The following POU6F1 variants were observed in gnomAD, a reference collection of about 807,000 sequenced individuals.
POU6F1 encodes the protein POU class 6 homeobox 1.
POU6F1 carries 9 observed loss-of-function variants against 28.9 expected under a neutral mutation model. The ratio of observed to expected loss-of-function variants is 0.31; its 90% CI spans 0.19 to 0.54. The LOEUF is 0.54. Ranked by LOEUF, POU6F1 falls within the 20% of genes least tolerant of loss-of-function variation. POU6F1 has a pLI of 0.94. For synonymous variants in POU6F1, 173 were observed against 171.1 expected, an observed-to-expected ratio of 1.01 and a Z score of -0.09; for missense variants, 338 against 426.1, an observed-to-expected ratio of 0.79 and a Z score of 1.82.
At position 51,199,244 on chromosome 12, in the gene POU6F1, G is replaced by A. The variant is rs555256301; in HGVS notation, c.367-469C>T. ...TGGTCAAGGCCCCACAGAGGCCTCC[G>A]AGAAGTTTCTGAAGGACCATACCCT... is the stretch of plus-strand genomic sequence containing the variant. On this transcript the variant is annotated intron_variant, in intron 4 of 10. Transcript: ENST00000333640. The surrounding 1 kb of genome is among the most constrained non-coding windows in gnomAD (Gnocchi z 4.1). Among the ~76,000 whole-genome samples the A allele has an allele frequency of 7.9e-5, 12 of 151,700 alleles. No homozygotes were observed. The highest frequency in any genetic ancestry group is 4.6e-4 in the Admixed American group (7 of 15,230).
chr12:51,216,588 T>C (rs909794904), intron 1 of POU6F1, among the ~76,000 whole-genome samples: 1 of 152,186 alleles, frequency 6.6e-6, no homozygotes, highest in African/African-American at 2.4e-5. Flanking sequence ...AAGTATCACT[T>C]TGAGGACCAG....
intron 1 of POU6F1, among the ~76,000 whole-genome samples, chr12:51,208,751 A>C (rs887559338): frequency 1.3e-5 from 2 of 152,170 alleles, no homozygotes; most frequent in African/African-American, 4.8e-5. Flanking sequence ...AGCCTGGACA[A>C]CATGGTGAAA....
chr12:51,194,715 T>C (rs1196793095), intron 8 of POU6F1, among the ~76,000 whole-genome samples: 4 of 151,282 alleles, frequency 2.6e-5, no homozygotes, highest in East Asian at 3.9e-4. Flanking sequence ...AGTTCCCTAC[T>C]ACCTTACCTG....
rs972918996 is a variant in POU6F1 at position 51,188,072 on chromosome 12, T to C, written c.*2175A>G. 4 of 152,310 alleles carry C rather than the reference T, an allele frequency of 2.6e-5. No homozygotes were observed. Among genetic ancestry groups the C allele is most frequent in the African/African-American group, 9.6e-5 (4 of 41,550 alleles). The allele number at this position is 152,310 out of a possible 1,614,324, so 9.4% of individuals were successfully genotyped here. A position where few individuals can be genotyped will look rare whatever the true frequency, so the allele number is the denominator to read the frequency against. On this transcript the variant is annotated 3_prime_UTR_variant, in exon 11 of 11. Coordinates refer to ENST00000333640, the MANE Select transcript of POU6F1 (RefSeq NM_001330422.2). ...CCTCCCAAGTAGCTGGGATTACAGA[T>C]GTGCACTACCACACCTGGCTAATTT... is the stretch of plus-strand genomic sequence containing the variant.
intron 1 of POU6F1, among the ~76,000 whole-genome samples, chr12:51,213,807 C>T (rs1353238932): frequency 6.6e-6 from 1 of 150,686 alleles, no homozygotes; most frequent in Admixed American, 6.6e-5. Context: ...TCTGGGATTA[C>T]AGGCGTGAGC....
rs900720961 is a variant in POU6F1 at position 51,217,854 on chromosome 12, G to A, written c.-260C>T. The A allele has an allele frequency of 5.3e-5, 8 of 152,268 alleles. No individual in the cohort carries two copies. Among genetic ancestry groups the A allele is most frequent in the African/African-American group, 1.7e-4 (7 of 41,528 alleles). 9.4% of individuals were successfully genotyped at this position (152,268 alleles called of 1,614,324 possible). ...CGCCCCCAGGCCCCCAGCCTGGGCT[G>A]GGCAGAGCCGAAGGGGGCTCCGCAG... On this transcript the variant is annotated 5_prime_UTR_variant, in exon 1 of 11. Transcript: ENST00000333640. This position sits in a 1 kb window ranked among gnomAD's most constrained non-coding sequence, Gnocchi z 5.3.
intron 2 of POU6F1, among the ~76,000 whole-genome samples, chr12:51,205,140 C>T (rs1056825965): frequency 2.6e-5 from 4 of 151,108 alleles, no homozygotes; most frequent in African/African-American, 7.3e-5. Context: ...CCCGGGTTCA[C>T]GCCATTCTCC....
chr12:51,216,068 A>G (rs957252201), intron 1 of POU6F1, among the ~76,000 whole-genome samples: 2 of 152,238 alleles, frequency 1.3e-5, no homozygotes, highest in African/African-American at 4.8e-5. Context: ...CTGTAATCCC[A>G]GCACTTTGGG....
At chr12:51,197,102 C>CT (rs1942881395) in intron 6 of POU6F1, 175 bp from the exon 7 acceptor site, 1 of 424,472 alleles carries the variant, frequency 2.4e-6, no homozygotes, top group African/African-American at 2.4e-5. Context: ...GTTTCCAGGG[C>CT]TAGGGGTCTA....
intron 1 of POU6F1, among the ~76,000 whole-genome samples, chr12:51,213,109 G>C (rs1944111539): frequency 6.6e-6 from 1 of 152,048 alleles, no homozygotes; most frequent in Non-Finnish European, 1.5e-5. Context: ...GCTGATTTTT[G>C]TATTTTTAGT....
chr12:51,213,311 C>G (rs996894320), intron 1 of POU6F1, among the ~76,000 whole-genome samples: 6 of 152,140 alleles, frequency 3.9e-5, no homozygotes, highest in African/African-American at 1.4e-4. Flanking sequence ...GTAAAAGAAT[C>G]TTGTCCTATG....
chr12:51,189,758 G>T lies in POU6F1; in HGVS notation c.*489C>A, dbSNP rs530257436. The T allele has an allele frequency of 2.6e-3, 433 of 166,558 alleles. 1 individual carries two copies. Among genetic ancestry groups the T allele is most frequent in the African/African-American group, 9.6e-3 (401 of 41,858 alleles). The allele number at this position is 166,558 out of a possible 1,614,324, so 10.3% of individuals were successfully genotyped here. A position where few individuals can be genotyped will look rare whatever the true frequency, so the allele number is the denominator to read the frequency against. On this transcript the variant is annotated 3_prime_UTR_variant, in exon 11 of 11. Coordinates refer to ENST00000333640, the MANE Select transcript of POU6F1 (RefSeq NM_001330422.2). ...GTGCACCTGCAGGCAAAGTGTGGGG[G>T]GCGGAAGGGCAGTGTGAGGCTGTGT...
rs139626786 is a variant in POU6F1 at position 51,191,743 on chromosome 12, T to C, written c.1343A>G (p.Asp448Gly). 1.2e-6 allele frequency: 2 copies of C among 1,614,146 alleles called. No homozygotes were observed. Among genetic ancestry groups the C allele is most frequent in the Non-Finnish European group, 1.7e-6 (2 of 1,180,022 alleles). Reference protein sequence around the residue: ...LVSKPHTPSLDEDGINLEEIR... With the variant: ...LVSKPHTPSLGEDGINLEEIR... ...CTCTTCTAAGTTGATCCCATCCTCATCCAGACTTGGAGTATGTGGCTCTAG... is the reference window on the plus strand; with the variant it reads ...CTCTTCTAAGTTGATCCCATCCTCACCCAGACTTGGAGTATGTGGCTCTAG... The change falls in exon 10 of 11, where the codon GAT (aspartate) becomes GGT (glycine). Residue 448 changes from aspartate to glycine, a missense_variant. This residue lies in a region of POU6F1 where 206 missense variants were observed against 225.6 expected (regional missense o/e 0.91). Transcript: ENST00000333640.
At position 51,191,777 on chromosome 12, in the gene POU6F1, G is replaced by C; in HGVS notation, c.1322-13C>G. 1 of 1,613,998 alleles carries C rather than the reference G, an allele frequency of 6.2e-7. No individual in the cohort carries two copies. Among genetic ancestry groups the C allele is most frequent in the Non-Finnish European group, 8.5e-7 (1 of 1,179,854 alleles). On this transcript the variant is annotated splice_polypyrimidine_tract_variant and intron_variant, in intron 9 of 10. Transcript: ENST00000333640. Reference sequence around the variant, plus strand: ...GGAGTATGTGGCTCTAGGCCAGAGGGAGGGAGCAGGGATGAGTGTGTAACA... The same window carrying C: ...GGAGTATGTGGCTCTAGGCCAGAGGCAGGGAGCAGGGATGAGTGTGTAACA...
In POU6F1 at chr12:51,188,643, G is replaced by C. The variant is rs1261405023; in HGVS notation, c.*1604C>G. The C allele has an allele frequency of 6.6e-6, 1 of 152,362 alleles. No homozygotes were observed. Among genetic ancestry groups the C allele is most frequent in the Non-Finnish European group, 1.5e-5 (1 of 68,116 alleles). The allele number at this position is 152,362 out of a possible 1,614,324, so 9.4% of individuals were successfully genotyped here. ...CCAACAGTAAGTGGGAAAGGAAACAGGACACCAGAGGAAGCTAGGCTAGGA... is the reference window on the plus strand; with the variant it reads ...CCAACAGTAAGTGGGAAAGGAAACACGACACCAGAGGAAGCTAGGCTAGGA... On this transcript the variant is annotated 3_prime_UTR_variant, in exon 11 of 11. Coordinates refer to ENST00000333640, the MANE Select transcript of POU6F1 (RefSeq NM_001330422.2).
Position 51,211,454 on chromosome 12 carries a change from C to T in POU6F1, c.-47-4571G>A, listed in dbSNP as rs117116114. ...CTTTCCTTGCTAACATCTAAAAACG[C>T]AGGCAGGGCTGGGCACAGTAGCTCA... On this transcript the variant is annotated intron_variant, in intron 1 of 10. Coordinates refer to ENST00000333640, the MANE Select transcript of POU6F1 (RefSeq NM_001330422.2). Among the ~76,000 whole-genome samples the T allele has an allele frequency of 3.0e-4, 45 of 152,278 alleles. 1 individual carries two copies. In the East Asian group the frequency reaches 7.9e-3, roughly 27 times the overall value.
chr12:51,198,442 G>C (rs962668936), intron 5 of POU6F1, 108 bp downstream of exon 5: 5 of 398,402 alleles, frequency 1.3e-5, no homozygotes, highest in Non-Finnish European at 2.2e-5. Flanking sequence ...CTCCAGGGCG[G>C]TTGCCCTGGG....
Position 51,199,550 on chromosome 12 carries a change from C to A in POU6F1, c.366+197G>T, listed in dbSNP as rs1360672800. Among the ~76,000 whole-genome samples the A allele has an allele frequency of 2.0e-5, 3 of 152,210 alleles. No homozygotes were observed. The highest frequency in any genetic ancestry group is 7.2e-5 in the African/African-American group (3 of 41,454). ...AGGAGATGATTCTGCAAATGTAGAT[C>A]CCCTTTTCCAAATGGGCCTGATCTA... On this transcript the variant is annotated intron_variant, in intron 4 of 10. Coordinates refer to ENST00000333640, the MANE Select transcript of POU6F1 (RefSeq NM_001330422.2). The surrounding 1 kb of genome is among the most constrained non-coding windows in gnomAD (Gnocchi z 4.1).
At chr12:51,196,680 AG>A (rs950673767) in intron 7 of POU6F1, 118 bp downstream of exon 7, 35 of 1,265,042 alleles carry the variant, frequency 2.8e-5, no homozygotes, top group Non-Finnish European at 3.7e-5. Flanking sequence ...CAGAGGAGAT[AG>A]GAACAACAGC....
Sources: allele counts gnomAD v4.1 joint callset (sites outside exome capture counted in the v4.1 genomes callset), GRCh38; gene constraint gnomAD v4.1.1; regional missense constraint gnomAD v4.1.1; non-coding constraint Gnocchi (gnomAD v3.1); transcripts MANE v1.5; gene names NCBI Gene and HGNC (gene_info 2026-07-23, HGNC 2026-07-21).